Variants in SPATA17 observed in about 807,000 individuals in gnomAD.
SPATA17 encodes the protein spermatogenesis-associated protein 17.
A neutral mutation model predicts 62.2 loss-of-function variants in SPATA17; 53 were observed. The observed-to-expected ratio is 0.85, with a 90% CI of 0.68 to 1.07. The LOEUF is 1.07. SPATA17 is among the 50% of genes least tolerant of loss of function. SPATA17 has a pLI of 0.00. For missense variants in SPATA17, 466 were observed against 425.5 expected, an observed-to-expected ratio of 1.10 and a Z score of -0.84; for synonymous variants, 146 against 146.8, an observed-to-expected ratio of 0.99 and a Z score of 0.04.
rs1447855596 is a variant in SPATA17, at chr1:217,751,502, C to A, written c.519+9404C>A. 2.6e-5 allele frequency among the ~76,000 whole-genome samples: 4 copies of A among 152,310 alleles called. No individual in the cohort carries two copies. The South Asian group carries it at 8.3e-4, about 32-fold the overall frequency. On this transcript the variant is annotated intron_variant, in intron 6 of 10. Transcript: ENST00000366933. ...CACATAATTTGTTACTATTGGCAGT[C>A]TCTGTGCAGAAAGGCCAAGGACTGA...
intron 9 of SPATA17, among the ~76,000 whole-genome samples, chr1:217,802,085 A>G (rs147004167): frequency 2.5e-4 from 38 of 152,078 alleles, no homozygotes; most frequent in African/African-American, 9.2e-4. Flanking sequence ...GATCAAAGGC[A>G]TGGATCATTG....
intron 6 of SPATA17, among the ~76,000 whole-genome samples, chr1:217,766,365 T>C (rs1210440703): frequency 1.3e-5 from 2 of 152,006 alleles, no homozygotes; most frequent in Non-Finnish European, 2.9e-5. Flanking sequence ...TTAACTTAAA[T>C]TAGTAGTTGC....
At chr1:217,806,847 TA>T (rs891744064) in intron 9 of SPATA17, among the ~76,000 whole-genome samples, 4 of 152,184 alleles carry the variant, frequency 2.6e-5, no homozygotes, top group African/African-American at 9.6e-5. Flanking sequence ...CATTGAGAGT[TA>T]GGCTTCAATG....
intron 9 of SPATA17, among the ~76,000 whole-genome samples, chr1:217,855,974 C>T (rs1407901930): frequency 1.3e-5 from 2 of 151,994 alleles, no homozygotes; most frequent in Non-Finnish European, 2.9e-5. Context: ...TTCTGCCCCC[C>T]TGAACCCCCC....
chr1:217,768,492 C>G (rs929011362), intron 6 of SPATA17, among the ~76,000 whole-genome samples: 2 of 151,172 alleles, frequency 1.3e-5, no homozygotes, highest in African/African-American at 4.9e-5. Context: ...AAGCTCTACC[C>G]ATCTTTTTTT....
intron 5 of SPATA17, among the ~76,000 whole-genome samples, chr1:217,712,942 T>C (rs959131808): frequency 6.6e-6 from 1 of 152,180 alleles, no homozygotes; most frequent in African/African-American, 2.4e-5. Context: ...CCCCGAACCT[T>C]GGCCATGAGC....
chr1:217,704,265 A>T (rs1358339730), intron 5 of SPATA17, among the ~76,000 whole-genome samples: 1 of 20,070 alleles, frequency 5.0e-5, no homozygotes, highest in Non-Finnish European at 1.6e-4. Flanking sequence ...TTTTTTTGAG[A>T]CGGAGTCTCG....
intron 9 of SPATA17, among the ~76,000 whole-genome samples, chr1:217,835,558 A>T (rs1019561651): frequency 6.6e-6 from 1 of 152,142 alleles, no homozygotes; most frequent in Non-Finnish European, 1.5e-5. Flanking sequence ...ACCGTAGTGC[A>T]TTGAATAACC....
At chr1:217,737,590 G>C (rs538938887) in intron 5 of SPATA17, among the ~76,000 whole-genome samples, 3 of 152,176 alleles carry the variant, frequency 2.0e-5, no homozygotes, top group African/African-American at 4.8e-5. Flanking sequence ...TGTCAATCCC[G>C]TCATTGATTG....
chr1:217,866,153 G>A (rs545254354), intron 10 of SPATA17, among the ~76,000 whole-genome samples: 1 of 152,086 alleles, frequency 6.6e-6, no homozygotes, highest in Non-Finnish European at 1.5e-5. Context: ...TGCCTGTTAG[G>A]AGTTAAAATT....
chr1:217,812,040 G>A (rs1263652605), intron 9 of SPATA17, among the ~76,000 whole-genome samples: 2 of 152,158 alleles, frequency 1.3e-5, no homozygotes, highest in African/African-American at 4.8e-5. Flanking sequence ...TGGCAAGATG[G>A]AGTTGAATGC....
chr1:217,830,277 CCTT>C (rs1393391454), intron 9 of SPATA17, among the ~76,000 whole-genome samples: 1 of 151,934 alleles, frequency 6.6e-6, no homozygotes, highest in Non-Finnish European at 1.5e-5. Flanking sequence ...ATTTTTTTAA[CCTT>C]CTACAAAAAG....
At chr1:217,789,355 C>T (rs1177424496) in intron 8 of SPATA17, among the ~76,000 whole-genome samples, 1 of 152,088 alleles carries the variant, frequency 6.6e-6, no homozygotes, top group Non-Finnish European at 1.5e-5. Flanking sequence ...TGCAACCTAG[C>T]TTAGATAGGG....
chr1:217,642,158 T>C (rs1182860094), intron 1 of SPATA17, among the ~76,000 whole-genome samples: 2 of 152,224 alleles, frequency 1.3e-5, no homozygotes. Flanking sequence ...GTCCCATGAC[T>C]GACAATATTC....
chr1:217,788,379 A>G (rs1023694300), intron 8 of SPATA17, among the ~76,000 whole-genome samples: 1 of 152,152 alleles, frequency 6.6e-6, no homozygotes, highest in African/African-American at 2.4e-5. Flanking sequence ...CCCAATCCCT[A>G]TTGCCCTGCC....
intron 5 of SPATA17, among the ~76,000 whole-genome samples, chr1:217,701,803 G>A (rs1049964094): frequency 5.3e-5 from 8 of 151,772 alleles, no homozygotes; most frequent in Admixed American, 2.0e-4. Context: ...TTTCGTTTCC[G>A]TTTCATCTTG....
At position 217,687,263 on chromosome 1, in the gene SPATA17, AT is replaced by A. The variant is rs377312151; in HGVS notation, c.395+3908del. On this transcript the variant is annotated intron_variant, in intron 5 of 10. Coordinates refer to ENST00000366933, the MANE Select transcript of SPATA17 (RefSeq NM_138796.4). ...TATAATGTTCTCATATTCTAATTGC[AT>A]TTTTTATATTCTCTTTGAAATTCAT... Among the ~76,000 whole-genome samples, 782 of 152,002 alleles carry A rather than the reference AT, an allele frequency of 5.1e-3. 10 individuals are homozygous for A. The highest frequency in any genetic ancestry group is 0.018 in the African/African-American group (746 of 41,468).
In SPATA17 at chr1:217,868,064, G is replaced by A. The variant is rs972469321; in HGVS notation, c.*1045G>A. The A allele has an allele frequency of 4.6e-5, 7 of 152,126 alleles. No individual in the cohort carries two copies. Among genetic ancestry groups the A allele is most frequent in the Admixed American group, 4.6e-4 (7 of 15,264 alleles). The allele number at this position is 152,126 out of a possible 1,614,324, so 9.4% of individuals were successfully genotyped here. A position where few individuals can be genotyped will look rare whatever the true frequency, so the allele number is the denominator to read the frequency against. ...GGGAAAAAAAGGAACCTATTAAAAAGACATTATCTATCAATCACTGTGTGT... is the reference window on the plus strand; with the variant it reads ...GGGAAAAAAAGGAACCTATTAAAAAAACATTATCTATCAATCACTGTGTGT... On this transcript the variant is annotated 3_prime_UTR_variant, in exon 11 of 11. Coordinates refer to ENST00000366933, the MANE Select transcript of SPATA17 (RefSeq NM_138796.4).
In SPATA17 at chr1:217,829,627, C is replaced by CAAAAAAAAAAAAAA. The variant is rs397982930; in HGVS notation, c.1005+27791_1005+27804dup. Among the ~76,000 whole-genome samples, 18 of 46,756 alleles carry CAAAAAAAAAAAAAA rather than the reference C, an allele frequency of 3.8e-4. 1 individual carries two copies. The highest frequency in any genetic ancestry group is 7.6e-4 in the Admixed American group (2 of 2,626). The allele number at this position is 46,756 out of a possible 152,430, so 30.7% of individuals were successfully genotyped here. ...TGGGTGACAGAGCGAGACTCCATCT[C>CAAAAAAAAAAAAAA]AAAAAAAAAAAAAAAAAAAAAAAAA... is the stretch of plus-strand genomic sequence containing the variant. On this transcript the variant is annotated intron_variant, in intron 9 of 10. Transcript: ENST00000366933.
Sources: allele counts gnomAD v4.1 joint callset (sites outside exome capture counted in the v4.1 genomes callset), GRCh38; gene constraint gnomAD v4.1.1; transcripts MANE v1.5; gene names NCBI Gene and HGNC (gene_info 2026-07-23, HGNC 2026-07-21).